KCNJ16: variants seen among roughly 807,000 people sequenced by gnomAD.
KCNJ16 encodes inward rectifier potassium channel 16.
In KCNJ16, 15 loss-of-function variants were observed where a neutral mutation model predicts 18.5. The observed-to-expected ratio is 0.81, with a 90% CI of 0.54 to 1.25. The LOEUF (loss-of-function observed/expected upper bound fraction) is 1.25, where lower values mean the gene tolerates loss of function less well. Ranked by LOEUF, KCNJ16 falls within the 50% of genes most tolerant of loss-of-function variation. KCNJ16 has a pLI of 0.00. For synonymous variants in KCNJ16, 174 were observed against 186.5 expected (o/e 0.93, Z 0.55); for missense variants, 523 against 525.7 (o/e 0.99, Z 0.05).
At chr17:70,083,631 A>C (rs2071656877) in intron 1 of KCNJ16, among the ~76,000 whole-genome samples, 1 of 152,158 alleles carries the variant, frequency 6.6e-6, no homozygotes, top group Admixed American at 6.5e-5. Flanking sequence ...AGATTATACC[A>C]TCTAGGTTTG....
At chr17:70,089,674 C>T (rs7209824) in intron 1 of KCNJ16, among the ~76,000 whole-genome samples, 125,823 of 152,176 alleles carry the variant, frequency 0.83, 52,232 homozygotes, top group East Asian at 0.96. Flanking sequence ...GGAGGGAAAA[C>T]ATTTAGCTAT....
At chr17:70,107,634 AT>A (rs1326450508) in intron 2 of KCNJ16, among the ~76,000 whole-genome samples, 1 of 152,100 alleles carries the variant, frequency 6.6e-6, no homozygotes, top group Non-Finnish European at 1.5e-5. Flanking sequence ...GTACCAAAAC[AT>A]GGGTCAGGAT....
At chr17:70,099,135 A>G (rs2072513515) in intron 1 of KCNJ16, among the ~76,000 whole-genome samples, 2 of 152,316 alleles carry the variant, frequency 1.3e-5, no homozygotes, top group South Asian at 2.1e-4. Context: ...AGTTGACCAT[A>G]TATCACAGCA....
chr17:70,078,523 T>A lies in KCNJ16; in HGVS notation c.-300+3133T>A, dbSNP rs182405471. ...TAACTGAGAAACAAATATTCAGTTA[T>A]CTTTTTTATTTTAAGAAAAATGTGT... On this transcript the variant is annotated intron_variant, in intron 1 of 3. Transcript: ENST00000392671. Among the ~76,000 whole-genome samples, 469 of 152,338 alleles carry A rather than the reference T, an allele frequency of 3.1e-3. 7 individuals are homozygous for A. The highest frequency in any genetic ancestry group is 1.1e-3 in the Non-Finnish European group (74 of 68,032).
At chr17:70,081,419 G>C (rs1288387549) in intron 1 of KCNJ16, among the ~76,000 whole-genome samples, 1 of 152,164 alleles carries the variant, frequency 6.6e-6, no homozygotes, top group Non-Finnish European at 1.5e-5. Flanking sequence ...GCACTTAGAA[G>C]TTAAAAGCTA....
intron 1 of KCNJ16, among the ~76,000 whole-genome samples, chr17:70,092,799 A>G (rs1383660334): frequency 6.6e-6 from 1 of 152,184 alleles, no homozygotes; most frequent in Non-Finnish European, 1.5e-5. Context: ...TGAAGCTCTG[A>G]TGGCTGAGGG....
intron 2 of KCNJ16, among the ~76,000 whole-genome samples, chr17:70,103,501 C>T (rs771832492): frequency 4.0e-5 from 6 of 151,740 alleles, no homozygotes; most frequent in Non-Finnish European, 7.4e-5. Flanking sequence ...TTCTTTACTT[C>T]GTATCACATG....
At chr17:70,107,314 T>C (rs2072976291) in intron 2 of KCNJ16, among the ~76,000 whole-genome samples, 1 of 152,168 alleles carries the variant, frequency 6.6e-6, no homozygotes, top group Non-Finnish European at 1.5e-5. Flanking sequence ...TCACAAGTCA[T>C]GATAAGAACC....
intron 2 of KCNJ16, among the ~76,000 whole-genome samples, chr17:70,104,300 C>G (rs1224782865): frequency 6.6e-6 from 1 of 152,082 alleles, no homozygotes; most frequent in Non-Finnish European, 1.5e-5. Context: ...TGCTCCCTCT[C>G]TAATCTGAAA....
intron 2 of KCNJ16, among the ~76,000 whole-genome samples, chr17:70,102,440 C>T (rs2072688244): frequency 6.6e-6 from 1 of 150,708 alleles, no homozygotes; most frequent in South Asian, 2.1e-4. Flanking sequence ...ATTGGCCAGG[C>T]TGGTCTCCAA....
chr17:70,085,016 G>A (rs2071730779), intron 1 of KCNJ16, among the ~76,000 whole-genome samples: 2 of 152,148 alleles, frequency 1.3e-5, no homozygotes, highest in Admixed American at 1.3e-4. Flanking sequence ...TAGTTGGGTA[G>A]ATTTTGTGTA....
intron 2 of KCNJ16, 133 bp downstream of exon 2, chr17:70,100,899 A>C (rs941373900): frequency 2.1e-4 from 32 of 152,234 alleles, no homozygotes; most frequent in African/African-American, 7.5e-4. Context: ...TTATATTTTC[A>C]TAAACTTTGC....
intron 2 of KCNJ16, among the ~76,000 whole-genome samples, chr17:70,123,876 G>A (rs2073748803): frequency 6.6e-6 from 1 of 152,164 alleles, no homozygotes; most frequent in Non-Finnish European, 1.5e-5. Flanking sequence ...GATGAAAGAG[G>A]CAATAAATGA....
rs532654977 is a variant in KCNJ16 at position 70,086,921 on chromosome 17, C to T, written c.-300+11531C>T. Among the ~76,000 whole-genome samples, 10 of 152,178 alleles carry T rather than the reference C, an allele frequency of 6.6e-5. No homozygotes were observed. In the South Asian group the frequency reaches 1.9e-3, roughly 28 times the overall value. ...TATTATTTATTTATTTATTTCAAGACAGAGTCTCACTCTGTCACCCAGGCT... is the reference window on the plus strand; with the variant it reads ...TATTATTTATTTATTTATTTCAAGATAGAGTCTCACTCTGTCACCCAGGCT... On this transcript the variant is annotated intron_variant, in intron 1 of 3. Transcript: ENST00000392671.
In KCNJ16 at chr17:70,096,657, T is replaced by C. The variant is rs558108877; in HGVS notation, c.-299-4001T>C. On this transcript the variant is annotated intron_variant, in intron 1 of 3. Coordinates refer to ENST00000392671, the MANE Select transcript of KCNJ16 (RefSeq NM_170741.4). The stretch of plus-strand genomic sequence containing the variant: ...CTAAATTAACAATCTTTTGTACTAT[T>C]GATGTGACAATATGTACATTAAGTG... 69 of 309,238 alleles carry C rather than the reference T, an allele frequency of 2.2e-4. No homozygotes were observed. The East Asian group carries it at 3.4e-3, about 15-fold the overall frequency. 19.2% of individuals were successfully genotyped at this position (309,238 alleles called of 1,614,324 possible). A position where few individuals can be genotyped will look rare whatever the true frequency, so the allele number is the denominator to read the frequency against.
chr17:70,112,303 A>G (rs1489577905), intron 2 of KCNJ16, among the ~76,000 whole-genome samples: 1 of 151,646 alleles, frequency 6.6e-6, no homozygotes, highest in African/African-American at 2.4e-5. Context: ...TGGATAAGGG[A>G]GCTGGCATGG....
chr17:70,090,937 C>A (rs117219472), intron 1 of KCNJ16, among the ~76,000 whole-genome samples: 7 of 152,184 alleles, frequency 4.6e-5, no homozygotes, highest in African/African-American at 1.7e-4. Flanking sequence ...TTAGCCTAAC[C>A]GGTGAATGTT....
intron 2 of KCNJ16, among the ~76,000 whole-genome samples, chr17:70,119,433 G>T (rs534911011): frequency 1.0e-3 from 155 of 152,308 alleles, no homozygotes; most frequent in African/African-American, 3.7e-3. Context: ...GGTTCTCTGT[G>T]GAGGCTCCAC....
chr17:70,130,882 T>C lies in KCNJ16; in HGVS notation c.-187T>C. 8.1e-7 allele frequency: 1 copy of C among 1,236,102 alleles called. No homozygotes were observed. Among genetic ancestry groups the C allele is most frequent in the Non-Finnish European group, 1.1e-6 (1 of 873,388 alleles). 76.6% of individuals were successfully genotyped at this position (1,236,102 alleles called of 1,614,324 possible). On this transcript the variant is annotated 5_prime_UTR_variant, in exon 3 of 4. Transcript: ENST00000392671. ...TATTTTTGTTTGTTTTGCACAGGAGTAACTCAAGATGATTTTGATGTTGCA... is the reference window on the plus strand; with the variant it reads ...TATTTTTGTTTGTTTTGCACAGGAGCAACTCAAGATGATTTTGATGTTGCA...
Sources: allele counts gnomAD v4.1 joint callset (sites outside exome capture counted in the v4.1 genomes callset), GRCh38; gene constraint gnomAD v4.1.1; transcripts MANE v1.5; gene names NCBI Gene and HGNC (gene_info 2026-07-23, HGNC 2026-07-21).